The following COL6A6 variants were observed in gnomAD, a reference collection of about 807,000 sequenced individuals.
COL6A6 encodes collagen type VI alpha 6 chain.
A neutral mutation model predicts 208.6 loss-of-function variants in COL6A6; 183 were observed. The observed-to-expected ratio is 0.88, with a 90% CI of 0.78 to 0.99. The LOEUF is 0.99. Among genes scored for constraint, COL6A6 ranks in the 50% least tolerant of loss-of-function variants. The probability of loss-of-function intolerance (pLI) is 0.00; values close to 1 mark genes in which losing one functional copy is unlikely to be tolerated. For synonymous variants in COL6A6, 973 were observed against 1,011.8 expected (o/e 0.96, Z 0.73); for missense variants, 2,816 against 2,815.2 (o/e 1.00, Z -0.01).
At chr3:130,519,961 A>G (rs1300417385) in intron 1 of COL6A6, among the ~76,000 whole-genome samples, 4 of 152,228 alleles carry the variant, frequency 2.6e-5, no homozygotes, top group African/African-American at 9.6e-5. Context: ...CAAACATTGT[A>G]ATCTCCTTGG....
rs752049202 is a variant in COL6A6 at position 130,608,763 on chromosome 3, C to CTTT, written c.4690-114_4690-112dup. ...CTTTGTATTTGCATTTATTTTTCAC[C>CTTT]TTTTTTTTTTTTTTTTTTTTTTTTT... On this transcript the variant is annotated intron_variant, in intron 21 of 36. Transcript: ENST00000358511. 2.2e-4 allele frequency: 69 copies of CTTT among 310,162 alleles called. 10 individuals carry two copies. The African/African-American group carries it at 2.4e-3, about 11-fold the overall frequency. The allele number at this position is 310,162 out of a possible 1,614,324, so 19.2% of individuals were successfully genotyped here.
At chr3:130,654,960 C>T (rs189194826) in intron 33 of COL6A6, among the ~76,000 whole-genome samples, 110 of 152,102 alleles carry the variant, frequency 7.2e-4, no homozygotes, top group African/African-American at 2.5e-3. Flanking sequence ...CACTTCTGGG[C>T]GGGGCCACAG....
At chr3:130,624,399 G>C (rs954335274) in intron 24 of COL6A6, among the ~76,000 whole-genome samples, 1 of 152,226 alleles carries the variant, frequency 6.6e-6, no homozygotes, top group Non-Finnish European at 1.5e-5. Context: ...TCCAGCAGTT[G>C]AATGTTGCAA....
rs2065313165 is a variant in COL6A6, at chr3:130,641,671, G to A, written c.5111G>A (p.Gly1704Glu). 6.3e-7 allele frequency: 1 copy of A among 1,597,852 alleles called. No homozygotes were observed. Among genetic ancestry groups the A allele is most frequent in the South Asian group, 1.1e-5 (1 of 89,870 alleles). The change falls in exon 29 of 37, where the codon GGA (glycine) becomes GAA (glutamate). Residue 1704 changes from glycine (G) to glutamate (E), a missense_variant. Coordinates refer to ENST00000358511, the MANE Select transcript of COL6A6 (RefSeq NM_001102608.3). Reference sequence around the variant, plus strand: ...TTTGAGATATCTGCTGGGCTTCCAGGAGAGATGGGATCCCCTGGGGAACCA... The same window carrying A: ...TTTGAGATATCTGCTGGGCTTCCAGAAGAGATGGGATCCCCTGGGGAACCA... ...RGKMISAGLP[G>E]EMGSPGEPGP...
At chr3:130,664,478 T>C (rs927463313) in intron 35 of COL6A6, among the ~76,000 whole-genome samples, 2 of 152,226 alleles carry the variant, frequency 1.3e-5, no homozygotes, top group East Asian at 3.8e-4. Flanking sequence ...AAAATGGCTT[T>C]TAAATCTTTA....
At chr3:130,584,579 C>T (rs1369670729) in intron 10 of COL6A6, among the ~76,000 whole-genome samples, 1 of 151,730 alleles carries the variant, frequency 6.6e-6, no homozygotes, top group Non-Finnish European at 1.5e-5. Flanking sequence ...TTTGGTGGTT[C>T]GTTTGTTCTT....
intron 11 of COL6A6, 82 bp from the exon 12 acceptor site, chr3:130,589,008 T>C: frequency 1.0e-6 from 1 of 986,314 alleles, no homozygotes; most frequent in Non-Finnish European, 1.6e-6. Flanking sequence ...GTGGTAGAAG[T>C]CTGGATCGCA....
Position 130,638,658 on chromosome 3 carries a change from A to G in COL6A6, c.5091+2897A>G, listed in dbSNP as rs145280540. 1.0e-3 allele frequency among the ~76,000 whole-genome samples: 153 copies of G among 152,160 alleles called. 1 individual carries two copies. The highest frequency in any genetic ancestry group is 3.6e-3 in the African/African-American group (148 of 41,416). On this transcript the variant is annotated intron_variant, in intron 28 of 36. Transcript: ENST00000358511. The stretch of plus-strand genomic sequence containing the variant: ...TAGTTTTTGAAACAGCTAACATCTG[A>G]AAGGATTTGTAGTACCTTGAGATGT...
At chr3:130,563,033 G>A in intron 2 of COL6A6, 35 bp from the exon 3 acceptor site, 1 of 1,496,142 alleles carries the variant, frequency 6.7e-7, no homozygotes, top group South Asian at 1.3e-5. Context: ...ATTTTTTAAA[G>A]TTTTTGGTTC....
chr3:130,604,356 G>C (rs1042266692), intron 20 of COL6A6, among the ~76,000 whole-genome samples: 1 of 152,140 alleles, frequency 6.6e-6, no homozygotes, highest in Non-Finnish European at 1.5e-5. Context: ...TTAGCCGGGC[G>C]TGGTGGCGGG....
chr3:130,672,634 C>T (rs1048168153), intron 36 of COL6A6, among the ~76,000 whole-genome samples: 3 of 151,804 alleles, frequency 2.0e-5, no homozygotes. Context: ...GAACTCCTGA[C>T]CTCAAGTGAT....
chr3:130,607,415 G>A (rs527502652), intron 21 of COL6A6, among the ~76,000 whole-genome samples: 21 of 152,258 alleles, frequency 1.4e-4, no homozygotes, highest in Non-Finnish European at 2.8e-4. Context: ...TTCTCATTGT[G>A]TATGTTGGTG....
intron 36 of COL6A6, among the ~76,000 whole-genome samples, chr3:130,667,281 G>A (rs967978797): frequency 1.3e-5 from 2 of 152,242 alleles, no homozygotes; most frequent in Non-Finnish European, 2.9e-5. Flanking sequence ...CTGTCGCCCA[G>A]GCTGGCGTGC....
intron 22 of COL6A6, among the ~76,000 whole-genome samples, chr3:130,609,805 G>A (rs1264255776): frequency 6.6e-6 from 1 of 152,074 alleles, no homozygotes; most frequent in African/African-American, 2.4e-5. Flanking sequence ...CCTGGAAGTT[G>A]GGCAACATAT....
chr3:130,545,523 G>A (rs1361128042), intron 1 of COL6A6, among the ~76,000 whole-genome samples: 9 of 149,848 alleles, frequency 6.0e-5, no homozygotes, highest in African/African-American at 2.0e-4. Context: ...GCATGATCTC[G>A]GCTCACTGCA....
At chr3:130,639,304 G>A (rs1264588257) in intron 28 of COL6A6, among the ~76,000 whole-genome samples, 1 of 152,104 alleles carries the variant, frequency 6.6e-6, no homozygotes, top group East Asian at 1.9e-4. Context: ...AACATAGTCT[G>A]TTTCCTGCAT....
intron 1 of COL6A6, among the ~76,000 whole-genome samples, chr3:130,546,360 G>A (rs1196808433): frequency 6.6e-6 from 1 of 152,118 alleles, no homozygotes; most frequent in Non-Finnish European, 1.5e-5. Flanking sequence ...TCGTGGTCTC[G>A]CTGGCCTCAG....
At chr3:130,661,300 G>A (rs2065924351) in intron 34 of COL6A6, among the ~76,000 whole-genome samples, 1 of 152,152 alleles carries the variant, frequency 6.6e-6, no homozygotes. Context: ...GTTATGTTGT[G>A]ATACAGTATA....
At chr3:130,558,388 C>A (rs372315602) in intron 1 of COL6A6, among the ~76,000 whole-genome samples, 3 of 152,172 alleles carry the variant, frequency 2.0e-5, no homozygotes, top group African/African-American at 7.2e-5. Context: ...CGGGCTTCAA[C>A]ATTGTATAGC....
Sources: gnomAD v4.1 joint callset for allele counts (sites outside exome capture counted in the v4.1 genomes callset) on GRCh38, gnomAD v4.1.1 for gene constraint, MANE v1.5 for transcripts, NCBI Gene and HGNC (gene_info 2026-07-23, HGNC 2026-07-21) for gene names.